The following SLC39A11 variants were observed in gnomAD, a reference collection of about 807,000 sequenced individuals.
SLC39A11 encodes solute carrier family 39 member 11, also known as zinc transporter ZIP11.
A neutral mutation model predicts 36.1 loss-of-function variants in SLC39A11; 33 were observed. The observed-to-expected ratio is 0.91, with a 90% CI of 0.69 to 1.22. The LOEUF is 1.22. Ranked by LOEUF, SLC39A11 falls within the 50% of genes most tolerant of loss-of-function variation. SLC39A11 has a pLI of 0.00. For missense variants in SLC39A11, 432 were observed against 430.3 expected, an observed-to-expected ratio of 1.00 and a Z score of -0.03; for synonymous variants, 166 against 170.3, an observed-to-expected ratio of 0.97 and a Z score of 0.20.
intron 3 of SLC39A11, among the ~76,000 whole-genome samples, chr17:73,069,774 G>T (rs567875680): frequency 1.3e-5 from 2 of 152,280 alleles, no homozygotes; most frequent in South Asian, 4.1e-4. Context: ...TACTCAGTAA[G>T]TGCTTTTTCA....
chr17:73,040,949 T>G (rs76832961), intron 3 of SLC39A11, among the ~76,000 whole-genome samples: 1 of 144,856 alleles, frequency 6.9e-6, no homozygotes, highest in Non-Finnish European at 1.5e-5. Flanking sequence ...CACACCACTG[T>G]ACTCCAGCCT....
chr17:73,083,015 CAAAAAAAAA>C (rs34607510), intron 3 of SLC39A11, among the ~76,000 whole-genome samples: 2 of 89,784 alleles, frequency 2.2e-5, no homozygotes, highest in Non-Finnish European at 4.1e-5. Flanking sequence ...GACTCCATTT[CAAAAAAAAA>C]AAAAAAAAAA....
At position 72,837,213 on chromosome 17, in the gene SLC39A11, A is replaced by C. The variant is rs372439555; in HGVS notation, c.601+12421T>G. On this transcript the variant is annotated intron_variant, in intron 6 of 9. Transcript: ENST00000255559. ...TTTTCAGCATTCCAACAGATCCTCCATATTCCACACAAAATCAAAATCCAC... is the reference window on the plus strand; with the variant it reads ...TTTTCAGCATTCCAACAGATCCTCCCTATTCCACACAAAATCAAAATCCAC... 1.4e-4 allele frequency among the ~76,000 whole-genome samples: 22 copies of C among 152,270 alleles called. 1 individual carries two copies. Among genetic ancestry groups the C allele is most frequent in the African/African-American group, 3.1e-4 (13 of 41,538 alleles).
chr17:72,666,838 T>G (rs529240293), intron 7 of SLC39A11, among the ~76,000 whole-genome samples: 85 of 152,352 alleles, frequency 5.6e-4, no homozygotes, highest in African/African-American at 1.9e-3. Context: ...GTCTTGTTGT[T>G]TGACAACCAG....
intron 6 of SLC39A11, among the ~76,000 whole-genome samples, chr17:72,774,997 A>G (rs1429802449): frequency 3.9e-5 from 5 of 129,432 alleles, no homozygotes; most frequent in African/African-American, 1.7e-4. Flanking sequence ...GGCTACAAAG[A>G]AAAAAAAAAA....
chr17:72,649,112 TG>T lies in SLC39A11; in HGVS notation c.770+57del. 7 of 1,576,094 alleles carry T rather than the reference TG, an allele frequency of 4.4e-6. 1 individual carries two copies. The South Asian group carries it at 6.9e-5, about 15-fold the overall frequency. On this transcript the variant is annotated intron_variant, in intron 8 of 9. Transcript: ENST00000255559. ...GTGCAAAAGCACATCACTGTTTTGTTGAAAGAAGCCCACATGGAGGATGCTG... is the reference window on the plus strand; with the variant it reads ...GTGCAAAAGCACATCACTGTTTTGTTAAAGAAGCCCACATGGAGGATGCTG...
chr17:72,731,338 T>G (rs982931539), intron 7 of SLC39A11, among the ~76,000 whole-genome samples: 4 of 152,140 alleles, frequency 2.6e-5, no homozygotes, highest in African/African-American at 9.7e-5. Context: ...CAGTCCCTGG[T>G]GGATATGGTT....
chr17:72,827,351 G>A (rs1224869587), intron 6 of SLC39A11, among the ~76,000 whole-genome samples: 1 of 152,152 alleles, frequency 6.6e-6, no homozygotes, highest in Non-Finnish European at 1.5e-5. Context: ...GAGCTGGAGG[G>A]AAATGGAGGA....
In SLC39A11 at chr17:73,062,265, C is replaced by T. The variant is rs1276277833; in HGVS notation, c.147+22543G>A. On this transcript the variant is annotated intron_variant, in intron 3 of 9. Coordinates refer to ENST00000255559, the MANE Select transcript of SLC39A11 (RefSeq NM_139177.4). The stretch of plus-strand genomic sequence containing the variant: ...ACATGAGCTCACAAGTTCGAGACCA[C>T]CCTGGGCAACATAGCAAAACCCCAT... Among the ~76,000 whole-genome samples the T allele has an allele frequency of 2.0e-5, 3 of 151,228 alleles. No homozygotes were observed. The East Asian group carries it at 5.9e-4, about 30-fold the overall frequency.
At chr17:72,685,633 T>C (rs1397539161) in intron 7 of SLC39A11, among the ~76,000 whole-genome samples, 1 of 152,212 alleles carries the variant, frequency 6.6e-6, no homozygotes, top group Non-Finnish European at 1.5e-5. Flanking sequence ...TCTTTGGCTT[T>C]CCATGCAACA....
chr17:72,679,461 T>G (rs2071413589), intron 7 of SLC39A11, among the ~76,000 whole-genome samples: 1 of 152,166 alleles, frequency 6.6e-6, no homozygotes, highest in Non-Finnish European at 1.5e-5. Context: ...GAGTCTGAGA[T>G]GCGCAGACAC....
intron 6 of SLC39A11, among the ~76,000 whole-genome samples, chr17:72,816,016 G>T (rs2077571385): frequency 1.3e-5 from 2 of 152,224 alleles, no homozygotes; most frequent in African/African-American, 4.8e-5. Context: ...AGATAACATT[G>T]TTTCAGATAT....
chr17:72,768,068 G>T (rs375466960), intron 6 of SLC39A11, among the ~76,000 whole-genome samples: 2 of 152,168 alleles, frequency 1.3e-5, no homozygotes, highest in East Asian at 3.9e-4. Flanking sequence ...AAGCTGAGTT[G>T]CTCCCTGGTG....
intron 7 of SLC39A11, among the ~76,000 whole-genome samples, chr17:72,716,988 T>C (rs1328265652): frequency 9.1e-4 from 115 of 126,880 alleles, no homozygotes; most frequent in African/African-American, 3.2e-3. Flanking sequence ...AAAATATATA[T>C]ATATACACAC....
intron 6 of SLC39A11, among the ~76,000 whole-genome samples, chr17:72,845,425 C>T (rs2079005888): frequency 6.6e-6 from 1 of 152,172 alleles, no homozygotes; most frequent in Non-Finnish European, 1.5e-5. Context: ...GTTCCCTCTG[C>T]CTAAAACACT....
chr17:73,010,463 G>A (rs968558209), intron 4 of SLC39A11, among the ~76,000 whole-genome samples: 1 of 152,172 alleles, frequency 6.6e-6, no homozygotes, highest in Non-Finnish European at 1.5e-5. Context: ...TTCAATCAAT[G>A]GTCACTGACC....
At chr17:73,012,615 G>T (rs1040763286) in intron 4 of SLC39A11, among the ~76,000 whole-genome samples, 5 of 151,804 alleles carry the variant, frequency 3.3e-5, no homozygotes, top group African/African-American at 1.2e-4. Context: ...GTGATGCTAA[G>T]GTTAGGAGTA....
chr17:72,970,080 A>G (rs774941612), intron 4 of SLC39A11, among the ~76,000 whole-genome samples: 52 of 152,254 alleles, frequency 3.4e-4, no homozygotes, highest in Non-Finnish European at 7.1e-4. Flanking sequence ...AAAAATGTTA[A>G]TAGTCCCCAA....
At chr17:72,911,222 C>T (rs537243191) in intron 5 of SLC39A11, among the ~76,000 whole-genome samples, 189 of 152,004 alleles carry the variant, frequency 1.2e-3, no homozygotes, top group African/African-American at 4.5e-3. Context: ...ACAATGAGAA[C>T]ACTTGGACAC....
Sources: gnomAD v4.1 joint callset for allele counts (sites outside exome capture counted in the v4.1 genomes callset) on GRCh38, gnomAD v4.1.1 for gene constraint, MANE v1.5 for transcripts, NCBI Gene and HGNC (gene_info 2026-07-23, HGNC 2026-07-21) for gene names.